CLYBL: variants seen among roughly 807,000 people sequenced by gnomAD.
CLYBL encodes citramalyl-CoA lyase, mitochondrial.
In CLYBL, 31 loss-of-function variants were observed where a neutral mutation model predicts 38.9. That is an observed-to-expected ratio of 0.80 (90% CI 0.60 to 1.08). The LOEUF (loss-of-function observed/expected upper bound fraction) is 1.08, where lower values mean the gene tolerates loss of function less well. CLYBL is among the 50% of genes least tolerant of loss of function. The pLI, the probability that CLYBL is intolerant of heterozygous loss-of-function variation, is 0.00. For synonymous variants in CLYBL, 171 were observed against 158.6 expected, an observed-to-expected ratio of 1.08 and a Z score of -0.59; for missense variants, 434 against 411.6, an observed-to-expected ratio of 1.05 and a Z score of -0.47.
chr13:99,814,399 A>C (rs2050400768), intron 2 of CLYBL, among the ~76,000 whole-genome samples: 1 of 152,186 alleles, frequency 6.6e-6, no homozygotes, highest in African/African-American at 2.4e-5. Context: ...TCCCAAAAGC[A>C]TTGTTTGCCC....
intron 1 of CLYBL, among the ~76,000 whole-genome samples, chr13:99,767,372 T>G (rs967713589): frequency 2.0e-5 from 3 of 152,214 alleles, no homozygotes; most frequent in Non-Finnish European, 4.4e-5. Context: ...TGCCACCATT[T>G]CAGAACTGGA....
chr13:99,873,147 A>C (rs2139263507), intron 7 of CLYBL, among the ~76,000 whole-genome samples: 1 of 152,288 alleles, frequency 6.6e-6, no homozygotes, highest in Admixed American at 6.5e-5. Context: ...CAAGGTTGAA[A>C]TGATTCAAGT....
At chr13:99,824,314 T>C (rs1412230377) in intron 2 of CLYBL, among the ~76,000 whole-genome samples, 1 of 122,364 alleles carries the variant, frequency 8.2e-6, no homozygotes, top group Admixed American at 1.1e-4. Flanking sequence ...TTGGCCTCAC[T>C]TCATTAGTTG....
chr13:99,807,063 G>A (rs9557311), intron 2 of CLYBL, among the ~76,000 whole-genome samples: 25,449 of 152,130 alleles, frequency 0.17, 2,801 homozygotes, highest in East Asian at 0.36. Flanking sequence ...AGATTGTTGA[G>A]GTAGGGCTAC....
chr13:99,865,742 C>A lies in CLYBL; in HGVS notation c.635-498C>A, dbSNP rs1362237728. On this transcript the variant is annotated intron_variant, in intron 5 of 8. Coordinates refer to ENST00000339105, the MANE Select transcript of CLYBL (RefSeq NM_206808.5). This position sits in a 1 kb window ranked among gnomAD's most constrained non-coding sequence, Gnocchi z 4.7. Reference sequence around the variant, plus strand: ...CCTCTCAAAACAAGTGCCCTCCCGTCTCCCCAAGTTCTCCATCCAGACAGA... The same window carrying A: ...CCTCTCAAAACAAGTGCCCTCCCGTATCCCCAAGTTCTCCATCCAGACAGA... 2.0e-5 allele frequency among the ~76,000 whole-genome samples: 3 copies of A among 152,248 alleles called. No individual in the cohort carries two copies. The highest frequency in any genetic ancestry group is 4.4e-5 in the Non-Finnish European group (3 of 68,048).
Position 99,870,983 on chromosome 13 carries a change from A to G in CLYBL, c.848A>G (p.Gln283Arg), listed in dbSNP as rs2051876671. The G allele has an allele frequency of 7.4e-6, 12 of 1,613,854 alleles. No homozygotes were observed. Among genetic ancestry groups the G allele is most frequent in the Non-Finnish European group, 1.0e-5 (12 of 1,179,870 alleles). The stretch of plus-strand genomic sequence containing the variant: ...AACCAAATTGCCGTGGTCCAGGAGC[A>G]GTTTTCTCCTTCCCCTGAAAAAATT... The part of the protein sequence containing the change: ...HPNQIAVVQE[Q>R]FSPSPEKIKW... Residue 283 changes from glutamine (Q) to arginine (R), a missense_variant, in exon 7 of 9, where the codon CAG becomes CGG. Coordinates refer to ENST00000339105, the MANE Select transcript of CLYBL (RefSeq NM_206808.5).
At chr13:99,693,336 A>T (rs1305473085) in intron 1 of CLYBL, among the ~76,000 whole-genome samples, 2 of 152,126 alleles carry the variant, frequency 1.3e-5, no homozygotes, top group Non-Finnish European at 1.5e-5. Context: ...AATAAAACTG[A>T]CCAATGCAAC....
At chr13:99,775,308 T>C (rs1309210018) in intron 2 of CLYBL, among the ~76,000 whole-genome samples, 1 of 152,144 alleles carries the variant, frequency 6.6e-6, no homozygotes, top group East Asian at 1.9e-4. Context: ...GCCATCCTTA[T>C]CTCCATAGTA....
At chr13:99,681,038 C>A (rs771861583) in intron 1 of CLYBL, among the ~76,000 whole-genome samples, 1 of 152,172 alleles carries the variant, frequency 6.6e-6, no homozygotes, top group Non-Finnish European at 1.5e-5. Context: ...CCATAACATT[C>A]AGAAGATTAT....
chr13:99,770,656 G>A (rs1257168668), intron 1 of CLYBL, among the ~76,000 whole-genome samples: 2 of 151,764 alleles, frequency 1.3e-5, no homozygotes, highest in East Asian at 3.9e-4. Flanking sequence ...CACCCTCCTC[G>A]GCCTCCCAAA....
At chr13:99,857,450 G>A (rs1475207882) in intron 2 of CLYBL, among the ~76,000 whole-genome samples, 1 of 152,204 alleles carries the variant, frequency 6.6e-6, no homozygotes, top group Non-Finnish European at 1.5e-5. Flanking sequence ...CATCATCTCT[G>A]ACTTTAGCTA....
intron 1 of CLYBL, among the ~76,000 whole-genome samples, chr13:99,708,655 A>C (rs1195982182): frequency 6.6e-6 from 1 of 152,220 alleles, no homozygotes; most frequent in Non-Finnish European, 1.5e-5. Flanking sequence ...TACTTGGCAC[A>C]CAGTAAGAGC....
At chr13:99,857,886 C>T (rs985359968) in intron 2 of CLYBL, among the ~76,000 whole-genome samples, 3 of 152,146 alleles carry the variant, frequency 2.0e-5, no homozygotes, top group African/African-American at 7.2e-5. Context: ...AAAACCCTTC[C>T]CAAATGAAAC....
At chr13:99,861,021 C>T (rs1489726297) in intron 3 of CLYBL, among the ~76,000 whole-genome samples, 5 of 152,172 alleles carry the variant, frequency 3.3e-5, no homozygotes, top group African/African-American at 9.7e-5. Context: ...TTGAAAGAAT[C>T]GCTGAGCCCT....
intron 2 of CLYBL, among the ~76,000 whole-genome samples, chr13:99,835,987 C>T (rs752897023): frequency 1.3e-5 from 2 of 152,172 alleles, no homozygotes; most frequent in Admixed American, 6.5e-5. Context: ...CAAGGGGCAG[C>T]TCAGGGAGGA....
intron 1 of CLYBL, among the ~76,000 whole-genome samples, chr13:99,712,223 C>T (rs1258289189): frequency 6.6e-6 from 1 of 152,064 alleles, no homozygotes; most frequent in African/African-American, 2.4e-5. Context: ...ATACACACTT[C>T]AGTGTTTATA....
At chr13:99,860,332 T>A (rs1161960519) in intron 3 of CLYBL, among the ~76,000 whole-genome samples, 2 of 152,212 alleles carry the variant, frequency 1.3e-5, no homozygotes, top group Non-Finnish European at 2.9e-5. Context: ...CGAGATAATT[T>A]AAAATTATTA....
chr13:99,610,599 G>A (rs1226446380), intron 1 of CLYBL, among the ~76,000 whole-genome samples: 2 of 152,148 alleles, frequency 1.3e-5, no homozygotes. Context: ...AAGTCTCCTA[G>A]TCTTTGCTGA....
At chr13:99,735,775 TA>T (rs1405429269) in intron 1 of CLYBL, among the ~76,000 whole-genome samples, 15 of 152,112 alleles carry the variant, frequency 9.9e-5, no homozygotes, top group Non-Finnish European at 2.1e-4. Flanking sequence ...TAATAAATGT[TA>T]AAGAGAAAAA....
Sources: gnomAD v4.1 joint callset for allele counts (sites outside exome capture counted in the v4.1 genomes callset) on GRCh38, gnomAD v4.1.1 for gene constraint, Gnocchi (gnomAD v3.1) non-coding constraint, MANE v1.5 for transcripts, NCBI Gene and HGNC (gene_info 2026-07-23, HGNC 2026-07-21) for gene names.